Variants in JAK1 observed in about 807,000 individuals in gnomAD.
JAK1 encodes the protein Janus kinase 1, also known as tyrosine-protein kinase JAK1.
Under a neutral mutation model 136.6 loss-of-function variants are expected in JAK1, and 16 were observed. The observed-to-expected ratio is 0.12, with a 90% CI of 0.08 to 0.18. The LOEUF is 0.18. Ranked by LOEUF, JAK1 falls within the 10% of genes least tolerant of loss-of-function variation. The probability of loss-of-function intolerance (pLI) is 1.00; values close to 1 mark genes in which losing one functional copy is unlikely to be tolerated. For missense variants in JAK1, 859 were observed against 1,450.1 expected (o/e 0.59, Z 6.62); for synonymous variants, 492 against 519.5 (o/e 0.95, Z 0.72).
chr1:64,946,304 CAT>C (rs1322462444), intron 1 of JAK1, among the ~76,000 whole-genome samples: 1 of 152,110 alleles, frequency 6.6e-6, no homozygotes, highest in Non-Finnish European at 1.5e-5. Flanking sequence ...GTGTTCTGCA[CAT>C]GTTATCTCAT....
intron 19 of JAK1, among the ~76,000 whole-genome samples, chr1:64,840,087 G>A (rs1228663596): frequency 6.6e-6 from 1 of 152,192 alleles, no homozygotes; most frequent in Non-Finnish European, 1.5e-5. Flanking sequence ...TTATTTCTGG[G>A]CCTGCAGGAC....
chr1:65,020,334 A>G (rs183459849), intron 2 of JAK1, among the ~76,000 whole-genome samples: 1 of 152,200 alleles, frequency 6.6e-6, no homozygotes, highest in East Asian at 1.9e-4. Context: ...ACAGCCTATG[A>G]GAACTCTCAT....
chr1:64,865,843 T>G (rs943520263), intron 7 of JAK1, among the ~76,000 whole-genome samples: 1 of 152,168 alleles, frequency 6.6e-6, no homozygotes, highest in Non-Finnish European at 1.5e-5. Context: ...CACTGTAGCC[T>G]TGACCTCCCA....
At chr1:65,038,462 G>A (rs913116344) in intron 2 of JAK1, among the ~76,000 whole-genome samples, 5 of 152,008 alleles carry the variant, frequency 3.3e-5, no homozygotes, top group Admixed American at 6.5e-5. Flanking sequence ...GCCTCCCAAA[G>A]TGCTAGAATT....
rs749721569 is a variant in JAK1, at chr1:64,845,593, T to G, written c.2035A>C (p.Met679Leu). The G allele has an allele frequency of 8.5e-5, 137 of 1,614,012 alleles. No individual in the cohort carries two copies. The highest frequency in any genetic ancestry group is 1.2e-4 in the Non-Finnish European group (136 of 1,180,022). ...GTAAGGACATCGCTTTTCCGGTGCATGAAGAGATCCAGAGGACCCCCTTCC... is the reference window on the plus strand; with the variant it reads ...GTAAGGACATCGCTTTTCCGGTGCAGGAAGAGATCCAGAGGACCCCCTTCC... ...FVEGGPLDLF[M>L]HRKSDVLTTP... The change falls in exon 15 of 25, where the codon ATG becomes CTG. Residue 679 changes from methionine to leucine, a missense_variant. By Grantham distance (15) the Met-to-Leu change is conservative. Around this residue, in one of 4 missense-constraint regions of JAK1, gnomAD observed 409 missense variants for 753.8 expected, o/e 0.54. Transcript: ENST00000342505.
intron 12 of JAK1, among the ~76,000 whole-genome samples, chr1:64,850,165 G>A (rs1014185157): frequency 2.6e-5 from 4 of 152,174 alleles, no homozygotes; most frequent in African/African-American, 9.7e-5. Flanking sequence ...GTGGCCCTAT[G>A]CAACAGGGCT....
intron 1 of JAK1, among the ~76,000 whole-genome samples, chr1:64,932,880 A>AG (rs1476802858): frequency 1.3e-5 from 2 of 152,134 alleles, no homozygotes; most frequent in Non-Finnish European, 2.9e-5. Flanking sequence ...ACCATCCCAA[A>AG]GGTAAGACAA....
rs578164759 is a variant in JAK1 at position 64,980,318 on chromosome 1, A to G, written c.-78+64162T>C. On this transcript the variant is annotated intron_variant, in intron 2 of 25. Transcript: ENST00000671954. The stretch of plus-strand genomic sequence containing the variant: ...TCTACTCTGTTTTGCACCATGTTAC[A>G]ATGAAGGCACTCACACAAAGCTCCC... Among the ~76,000 whole-genome samples, 7 of 152,256 alleles carry G rather than the reference A, an allele frequency of 4.6e-5. No individual in the cohort carries two copies. In the East Asian group the frequency reaches 1.2e-3, roughly 25 times the overall value.
At chr1:64,960,569 T>C (rs1303620827) in intron 1 of JAK1, among the ~76,000 whole-genome samples, 1 of 152,236 alleles carries the variant, frequency 6.6e-6, no homozygotes, top group Admixed American at 6.5e-5. Context: ...CTATCTTCTA[T>C]GCAGACGGCC....
chr1:64,913,021 T>C (rs573402525), intron 1 of JAK1, among the ~76,000 whole-genome samples: 9 of 152,082 alleles, frequency 5.9e-5, no homozygotes, highest in Non-Finnish European at 1.3e-4. Context: ...ATATAAAAAT[T>C]ATATATAAGT....
intron 1 of JAK1, among the ~76,000 whole-genome samples, chr1:65,062,802 T>C (rs1293438079): frequency 6.6e-6 from 1 of 152,224 alleles, no homozygotes; most frequent in African/African-American, 2.4e-5. Context: ...TAGTGGTCAT[T>C]TCCACAAAAT....
chr1:64,888,628 G>T (rs772152699), intron 1 of JAK1, among the ~76,000 whole-genome samples: 11 of 152,228 alleles, frequency 7.2e-5, no homozygotes, highest in Non-Finnish European at 1.6e-4. Context: ...ACAAAAACCA[G>T]TAATCAAGGG....
At chr1:64,972,373 T>C (rs180763729) in intron 2 of JAK1, 75 of 152,352 alleles carry the variant, frequency 4.9e-4, no homozygotes, top group African/African-American at 1.8e-3. Flanking sequence ...CAGGGCAGTG[T>C]AGATTTGTGG....
At chr1:65,004,777 A>G (rs1282950148) in intron 2 of JAK1, among the ~76,000 whole-genome samples, 1 of 152,246 alleles carries the variant, frequency 6.6e-6, no homozygotes, top group African/African-American at 2.4e-5. Context: ...CTTATCCAGG[A>G]AGAAGCTGGG....
chr1:65,002,930 C>T (rs961503339), intron 2 of JAK1, among the ~76,000 whole-genome samples: 2 of 151,848 alleles, frequency 1.3e-5, no homozygotes, highest in South Asian at 4.2e-4. Context: ...GGAAGCGATG[C>T]TTTCTTGGCC....
At chr1:64,917,309 T>C (rs1337281940) in intron 1 of JAK1, among the ~76,000 whole-genome samples, 1 of 152,150 alleles carries the variant, frequency 6.6e-6, no homozygotes. Context: ...CAACGAAGTA[T>C]GAAGGAAGAA....
Position 64,841,310 on chromosome 1 carries a change from C to T in JAK1, c.2584G>A (p.Ala862Thr), listed in dbSNP as rs371295663. ...AAATGTGTGGGGTCCACTTCAGTTG[C>T]TGGTTTTTTTTCTGAAACAATATCT... Reference protein sequence around the residue: ...NPDIVSEKKPATEVDPTHFEK... With the variant: ...NPDIVSEKKPTTEVDPTHFEK... Residue 862 changes from alanine to threonine, a missense_variant, in exon 19 of 25, where the codon GCA becomes ACA. Coordinates refer to ENST00000342505, the MANE Select transcript of JAK1 (RefSeq NM_002227.4). 24 of 1,614,002 alleles carry T rather than the reference C, an allele frequency of 1.5e-5. No individual in the cohort carries two copies. The highest frequency in any genetic ancestry group is 3.3e-5 in the South Asian group (3 of 91,084).
chr1:64,882,072 A>C (rs1644782077), intron 3 of JAK1, among the ~76,000 whole-genome samples: 1 of 152,202 alleles, frequency 6.6e-6, no homozygotes, highest in Admixed American at 6.5e-5. Context: ...TAACTTGACA[A>C]TATTACTGGA....
At chr1:64,902,359 T>G (rs12743599) in intron 1 of JAK1, among the ~76,000 whole-genome samples, 1 of 151,926 alleles carries the variant, frequency 6.6e-6, no homozygotes, top group Non-Finnish European at 1.5e-5. Context: ...GTGCCATAGA[T>G]GTTAAGACAG....
Sources: allele counts gnomAD v4.1 joint callset (sites outside exome capture counted in the v4.1 genomes callset), GRCh38; gene constraint gnomAD v4.1.1; regional missense constraint gnomAD v4.1.1; transcripts MANE v1.5; gene names NCBI Gene and HGNC (gene_info 2026-07-23, HGNC 2026-07-21).